UPRT: variants seen among roughly 807,000 people sequenced by gnomAD.
UPRT encodes the protein RP11-311P8.3.
In UPRT, 5 loss-of-function variants were observed where a neutral mutation model predicts 22.6. The observed-to-expected ratio is 0.22, with a 90% confidence interval of 0.12 to 0.47. The LOEUF (loss-of-function observed/expected upper bound fraction) is 0.47. UPRT is among the 20% of genes least tolerant of loss of function. The pLI is 0.99. For missense variants in UPRT, 181 were observed against 239.9 expected (o/e 0.75, Z 1.62); for synonymous variants, 77 against 87.7 (o/e 0.88, Z 0.68).
At chrX:75,215,255 T>C (rs960437208) in intron 4 of UPRT, among the ~76,000 whole-genome samples, 22 of 110,663 alleles carry the variant, frequency 2.0e-4, no homozygotes, top group African/African-American at 7.2e-4. Flanking sequence ...TGCATGCACA[T>C]ATGAGAAAAG....
intron 4 of UPRT, among the ~76,000 whole-genome samples, chrX:75,264,141 T>A (rs764515988): frequency 1.8e-5 from 2 of 111,666 alleles, no homozygotes; most frequent in Non-Finnish European, 3.8e-5. Flanking sequence ...CTTCCAACTA[T>A]GTGGTCAGTT....
At chrX:75,200,557 G>A (rs1379380890) in intron 4 of UPRT, among the ~76,000 whole-genome samples, 2 of 112,353 alleles carry the variant, frequency 1.8e-5, no homozygotes, top group South Asian at 3.7e-4. Context: ...TTGCGTCACC[G>A]CACCCCAGCC....
chrX:75,209,279 G>A (rs1471906617), intron 4 of UPRT, among the ~76,000 whole-genome samples: 3 of 111,842 alleles, frequency 2.7e-5, no homozygotes, highest in African/African-American at 9.8e-5. Flanking sequence ...GTGGTGATGG[G>A]CCAATGGATT....
At chrX:75,221,902 C>G (rs762907309) in intron 4 of UPRT, among the ~76,000 whole-genome samples, 9 of 111,625 alleles carry the variant, frequency 8.1e-5, no homozygotes, top group Non-Finnish European at 1.5e-4. Context: ...TTTCTGGACA[C>G]TGAGTGGTTA....
rs183321104 is a variant in UPRT at position 75,297,579 on chromosome X, G to A, written c.562+26G>A. On this transcript the variant is annotated intron_variant, in intron 4 of 6. Coordinates refer to ENST00000373383, the MANE Select transcript of UPRT (RefSeq NM_145052.4). ...GTAGGTTCACGTGTGTGTGATTTTT[G>A]TCTCTTTGTATGCATAGAAATGGTT... 2.2e-4 allele frequency: 259 copies of A among 1,203,229 alleles called. 1 individual carries two copies. The East Asian group carries it at 6.9e-3, about 32-fold the overall frequency.
chrX:75,247,922 C>T (rs979348129), intron 4 of UPRT, among the ~76,000 whole-genome samples: 4 of 111,813 alleles, frequency 3.6e-5, no homozygotes, highest in Non-Finnish European at 3.8e-5. Context: ...CACCAATATC[C>T]GCTGTTCTGC....
At chrX:75,205,186 A>C (rs1246934134) in intron 4 of UPRT, among the ~76,000 whole-genome samples, 3 of 107,827 alleles carry the variant, frequency 2.8e-5, no homozygotes, top group Non-Finnish European at 5.8e-5. Flanking sequence ...CTGGCTAACA[A>C]GGTGAAACCC....
At chrX:75,246,389 A>G (rs1212072908) in intron 4 of UPRT, among the ~76,000 whole-genome samples, 4 of 108,780 alleles carry the variant, frequency 3.7e-5, no homozygotes, top group Non-Finnish European at 5.7e-5. Context: ...TTTGCTGAGA[A>G]TGATGATTTC....
At chrX:75,231,306 A>G (rs775868419) in intron 4 of UPRT, among the ~76,000 whole-genome samples, 35 of 112,156 alleles carry the variant, frequency 3.1e-4, no homozygotes, top group Non-Finnish European at 5.8e-4. Flanking sequence ...TGCAAAATAC[A>G]TTGGAAACTT....
At chrX:75,170,897 G>A (rs1344931234) in intron 4 of UPRT, among the ~76,000 whole-genome samples, 1 of 111,359 alleles carries the variant, frequency 9.0e-6, no homozygotes, top group African/African-American at 3.3e-5. Flanking sequence ...TTAACAATAG[G>A]ACCCCAATCC....
intron 4 of UPRT, among the ~76,000 whole-genome samples, chrX:75,255,120 A>G (rs1048982725): frequency 1.8e-5 from 2 of 111,678 alleles, no homozygotes; most frequent in African/African-American, 6.5e-5. Flanking sequence ...CAAGTAACCT[A>G]TAAAGGAAAA....
At chrX:75,254,112 AG>A (rs1194225535) in intron 4 of UPRT, among the ~76,000 whole-genome samples, 1 of 111,682 alleles carries the variant, frequency 9.0e-6, no homozygotes, top group Non-Finnish European at 1.9e-5. Context: ...CTCCACAAGT[AG>A]GGGAAAAAGG....
At chrX:75,240,718 G>T (rs1413801782) in intron 4 of UPRT, among the ~76,000 whole-genome samples, 1 of 111,787 alleles carries the variant, frequency 8.9e-6, no homozygotes, top group African/African-American at 3.2e-5. Flanking sequence ...CATGGTATTT[G>T]TTTAAAAATA....
rs999160264 is a variant in UPRT at position 75,173,650 on chromosome X, A to T, written c.-447+5771A>T. On this transcript the variant is annotated intron_variant, in intron 4 of 13. Transcript: ENST00000652605. Reference sequence around the variant, plus strand: ...GGACTGGGTGCCATGGAGCAGGGGGAAGTGCTCGTCGGGGAGGCTCGGGCC... The same window carrying T: ...GGACTGGGTGCCATGGAGCAGGGGGTAGTGCTCGTCGGGGAGGCTCGGGCC... 2.7e-5 allele frequency among the ~76,000 whole-genome samples: 3 copies of T among 112,209 alleles called. 1 individual carries two copies. Among genetic ancestry groups the T allele is most frequent in the Middle Eastern group, 8.5e-3 (2 of 236 alleles).
chrX:75,186,550 G>C (rs1240869876), intron 4 of UPRT, among the ~76,000 whole-genome samples: 4 of 111,555 alleles, frequency 3.6e-5, no homozygotes, highest in African/African-American at 1.3e-4. Context: ...GCTTGGTGCA[G>C]AGCTTAGTTC....
Position 75,183,646 on chromosome X carries a change from A to G in UPRT, c.-447+15767A>G, listed in dbSNP as rs772273176. Among the ~76,000 whole-genome samples the G allele has an allele frequency of 2.7e-5, 3 of 112,003 alleles. No homozygotes were observed. In the East Asian group the frequency reaches 8.4e-4, roughly 31 times the overall value. ...TACTTTACAGTCCCACCAACAGTGTAAAAGTGCTCCTATTTCTCCACATCC... is the reference window on the plus strand; with the variant it reads ...TACTTTACAGTCCCACCAACAGTGTGAAAGTGCTCCTATTTCTCCACATCC... On this transcript the variant is annotated intron_variant, in intron 4 of 13. Coordinates refer to the UPRT transcript ENST00000652605.
intron 4 of UPRT, among the ~76,000 whole-genome samples, chrX:75,211,699 T>G (rs936520376): frequency 8.9e-6 from 1 of 111,777 alleles, no homozygotes; most frequent in Middle Eastern, 4.2e-3. Flanking sequence ...TAGTTTTTGC[T>G]GCTTGCTGCT....
At chrX:75,287,631 G>C (rs2082687698) in intron 1 of UPRT, among the ~76,000 whole-genome samples, 1 of 111,165 alleles carries the variant, frequency 9.0e-6, no homozygotes, top group African/African-American at 3.3e-5. Flanking sequence ...AAAATTCTTT[G>C]AAATAAAACA....
At chrX:75,156,399 G>A (rs992921987) in exon 1 of UPRT, 6 of 797,537 alleles carry the variant, frequency 7.5e-6, no homozygotes, top group Middle Eastern at 4.3e-4. Flanking sequence ...GATTCTGTTT[G>A]AAGATTCGGA....
Sources: gnomAD v4.1 joint callset for allele counts (sites outside exome capture counted in the v4.1 genomes callset) on GRCh38, gnomAD v4.1.1 for gene constraint, MANE v1.5 for transcripts, NCBI Gene and HGNC (gene_info 2026-07-23, HGNC 2026-07-21) for gene names.